Variants in CTNNA2 observed in about 807,000 individuals in gnomAD.
CTNNA2 encodes the protein catenin alpha-2.
CTNNA2 carries 42 observed loss-of-function variants against 101.0 expected under a neutral mutation model. That is an observed-to-expected ratio of 0.42 (90% CI 0.32 to 0.54). The LOEUF is 0.54. CTNNA2 is among the 20% of genes least tolerant of loss of function. The probability of loss-of-function intolerance (pLI) is 0.14; values close to 1 mark genes in which losing one functional copy is unlikely to be tolerated. For missense variants in CTNNA2, 871 were observed against 1,223.1 expected (o/e 0.71, Z 4.29); for synonymous variants, 450 against 456.4 (o/e 0.99, Z 0.18).
intron 1 of CTNNA2, among the ~76,000 whole-genome samples, chr2:79,536,253 A>G (rs987977822): frequency 2.6e-5 from 4 of 152,190 alleles, no homozygotes; most frequent in Non-Finnish European, 4.4e-5. Flanking sequence ...AATGAGGTGA[A>G]AGCATGATCG....
intron 7 of CTNNA2, among the ~76,000 whole-genome samples, chr2:80,328,611 A>T (rs557170399): frequency 6.6e-6 from 1 of 152,322 alleles, no homozygotes; most frequent in South Asian, 2.1e-4. Flanking sequence ...ACAAAAGTTG[A>T]TTACAGCCAG....
chr2:79,810,361 A>C (rs1410209027), intron 3 of CTNNA2, among the ~76,000 whole-genome samples: 1 of 152,106 alleles, frequency 6.6e-6, no homozygotes, highest in East Asian at 2.0e-4. Context: ...CGTGAGACTT[A>C]TTGACTACTA....
chr2:79,249,767 A>G (rs1674745615), intron 2 of CTNNA2, among the ~76,000 whole-genome samples: 1 of 152,126 alleles, frequency 6.6e-6, no homozygotes. Flanking sequence ...TTCTTCTTGC[A>G]TAGTTTCCAA....
At chr2:79,289,930 A>G (rs1014555199) in intron 2 of CTNNA2, among the ~76,000 whole-genome samples, 2 of 152,174 alleles carry the variant, frequency 1.3e-5, no homozygotes, top group South Asian at 2.1e-4. Context: ...TTTGGCCCAG[A>G]TAATCAGCCT....
chr2:80,502,464 A>C (rs539905702), intron 9 of CTNNA2, among the ~76,000 whole-genome samples: 1 of 152,356 alleles, frequency 6.6e-6, no homozygotes, highest in East Asian at 1.9e-4. Context: ...CCTTGAAAGA[A>C]AATTCTTCAA....
intron 9 of CTNNA2, among the ~76,000 whole-genome samples, chr2:80,470,334 G>A (rs1685198562): frequency 6.6e-6 from 1 of 152,140 alleles, no homozygotes; most frequent in Admixed American, 6.6e-5. Context: ...CAGGGCTGGG[G>A]ATGGAAAGGA....
At chr2:80,375,293 G>C (rs1174196292) in intron 7 of CTNNA2, among the ~76,000 whole-genome samples, 2 of 152,102 alleles carry the variant, frequency 1.3e-5, no homozygotes, top group African/African-American at 4.8e-5. Flanking sequence ...CAGGAGGTAG[G>C]GATTTCTATG....
At chr2:80,280,632 G>A (rs551016443) in intron 7 of CTNNA2, among the ~76,000 whole-genome samples, 1 of 152,096 alleles carries the variant, frequency 6.6e-6, no homozygotes, top group South Asian at 2.1e-4. Context: ...GCTTTGCTTT[G>A]TGCAGTTTCT....
At chr2:79,896,284 C>CAAA (rs200678340) in intron 6 of CTNNA2, among the ~76,000 whole-genome samples, 1 of 141,112 alleles carries the variant, frequency 7.1e-6, no homozygotes, top group South Asian at 2.3e-4. Flanking sequence ...GACCCTGTCT[C>CAAA]AAAAAAAAAA....
chr2:79,448,078 T>A (rs1377433064), intron 4 of CTNNA2, among the ~76,000 whole-genome samples: 1 of 152,202 alleles, frequency 6.6e-6, no homozygotes, highest in East Asian at 1.9e-4. Flanking sequence ...GTAGATTTTC[T>A]TATAGACAGT....
intron 7 of CTNNA2, among the ~76,000 whole-genome samples, chr2:80,197,931 A>G (rs984395996): frequency 6.6e-6 from 1 of 152,156 alleles, no homozygotes; most frequent in African/African-American, 2.4e-5. Context: ...TAAGTTCCCA[A>G]CTTACAATGT....
At chr2:79,496,407 T>C (rs1671256280) in intron 4 of CTNNA2, among the ~76,000 whole-genome samples, 1 of 152,136 alleles carries the variant, frequency 6.6e-6, no homozygotes, top group African/African-American at 2.4e-5. Context: ...ACAAGTGCAA[T>C]TATTTTCCTC....
At chr2:79,930,112 C>A (rs1687286522) in intron 7 of CTNNA2, among the ~76,000 whole-genome samples, 1 of 151,910 alleles carries the variant, frequency 6.6e-6, no homozygotes, top group African/African-American at 2.4e-5. Flanking sequence ...TGGTGCGCAC[C>A]TGTAGTCCCA....
At chr2:79,639,736 G>C (rs7349194) in intron 1 of CTNNA2, among the ~76,000 whole-genome samples, 32,571 of 151,890 alleles carry the variant, frequency 0.21, 3,920 homozygotes, top group African/African-American at 0.32. Context: ...AGGAAATTTG[G>C]GTTGGGTTCA....
chr2:80,187,980 A>T (rs1279956712), intron 7 of CTNNA2, among the ~76,000 whole-genome samples: 1 of 152,188 alleles, frequency 6.6e-6, no homozygotes, highest in Non-Finnish European at 1.5e-5. Context: ...CAAAGTTTAC[A>T]GGATGTCCTG....
chr2:79,662,742 T>C (rs1682123992), intron 2 of CTNNA2, among the ~76,000 whole-genome samples: 1 of 152,146 alleles, frequency 6.6e-6, no homozygotes, highest in Non-Finnish European at 1.5e-5. Flanking sequence ...GTAAGCCCTA[T>C]TTTCACATAA....
intron 11 of CTNNA2, 104 bp downstream of exon 11, chr2:80,546,167 C>T: frequency 7.2e-7 from 1 of 1,387,510 alleles, no homozygotes; most frequent in Non-Finnish European, 9.6e-7. Flanking sequence ...CAGGCGCACT[C>T]CTTAGATCTT....
At chr2:79,335,858 A>G (rs950856864) in intron 3 of CTNNA2, among the ~76,000 whole-genome samples, 2 of 152,216 alleles carry the variant, frequency 1.3e-5, no homozygotes, top group African/African-American at 4.8e-5. Flanking sequence ...CCAACTTAGG[A>G]AACTTGCACC....
At chr2:79,480,810 G>A (rs570238658) in intron 4 of CTNNA2, among the ~76,000 whole-genome samples, 1 of 152,150 alleles carries the variant, frequency 6.6e-6, no homozygotes, top group East Asian at 1.9e-4. Flanking sequence ...CTGAAGATAT[G>A]AATAACAATT....
Sources: allele counts gnomAD v4.1 joint callset (sites outside exome capture counted in the v4.1 genomes callset), GRCh38; gene constraint gnomAD v4.1.1; transcripts MANE v1.5; gene names NCBI Gene and HGNC (gene_info 2026-07-23, HGNC 2026-07-21).